OPCML: variants seen among roughly 807,000 people sequenced by gnomAD.
OPCML encodes the protein opioid-binding protein/cell adhesion molecule.
OPCML carries 13 observed loss-of-function variants against 37.8 expected under a neutral mutation model. That is an observed-to-expected ratio of 0.34 (90% CI 0.22 to 0.55). The LOEUF is 0.55. Among genes scored for constraint, OPCML ranks in the 20% least tolerant of loss-of-function variants. The probability of loss-of-function intolerance (pLI) is 0.91; values close to 1 mark genes in which losing one functional copy is unlikely to be tolerated. For synonymous variants in OPCML, 176 were observed against 168.8 expected (o/e 1.04, Z -0.33); for missense variants, 341 against 435.6 (o/e 0.78, Z 1.93).
intron 2 of OPCML, among the ~76,000 whole-genome samples, chr11:132,694,205 TTTTTTTTTTTTTA>T: frequency 7.5e-6 from 1 of 132,610 alleles, no homozygotes; most frequent in Non-Finnish European, 1.6e-5. Context: ...TTTTTTTTTT[TTTTTTTTTTTTTA>T]AGACGGAATC....
intron 1 of OPCML, among the ~76,000 whole-genome samples, chr11:133,183,499 G>GA (rs917401467): frequency 3.9e-5 from 6 of 152,150 alleles, no homozygotes; most frequent in Non-Finnish European, 1.5e-5. Flanking sequence ...CTCATGACTG[G>GA]AAAATATTTT....
At chr11:133,014,378 T>A (rs1947278974) in intron 1 of OPCML, among the ~76,000 whole-genome samples, 2 of 152,094 alleles carry the variant, frequency 1.3e-5, no homozygotes, top group Admixed American at 1.3e-4. Flanking sequence ...TAAGAACCTA[T>A]GGGGATTGAA....
At chr11:133,220,413 A>G (rs1197553798) in intron 1 of OPCML, among the ~76,000 whole-genome samples, 4 of 152,154 alleles carry the variant, frequency 2.6e-5, no homozygotes, top group Non-Finnish European at 5.9e-5. Flanking sequence ...CTGCTATTCC[A>G]CATGAAGGCC....
intron 1 of OPCML, among the ~76,000 whole-genome samples, chr11:133,303,171 G>A (rs148246247): frequency 1.5e-3 from 234 of 152,238 alleles, no homozygotes; most frequent in African/African-American, 4.1e-3. Context: ...ATACACTGAC[G>A]TATGTTTTTA....
intron 2 of OPCML, among the ~76,000 whole-genome samples, chr11:132,808,554 A>T (rs1311717714): frequency 6.6e-6 from 1 of 152,170 alleles, no homozygotes; most frequent in Admixed American, 6.5e-5. Context: ...TTCCCAAAGA[A>T]ATTTGATGAT....
chr11:133,351,150 G>T (rs979420057), intron 1 of OPCML, among the ~76,000 whole-genome samples: 1 of 152,210 alleles, frequency 6.6e-6, no homozygotes, highest in Non-Finnish European at 1.5e-5. Context: ...GGTTATTTTA[G>T]GAACAGCAAA....
intron 1 of OPCML, among the ~76,000 whole-genome samples, chr11:132,988,299 A>T (rs539983257): frequency 1.3e-5 from 2 of 152,320 alleles, no homozygotes; most frequent in South Asian, 4.1e-4. Context: ...ACTTGCATAA[A>T]GTGCTAATTT....
intron 3 of OPCML, among the ~76,000 whole-genome samples, chr11:132,558,288 TTCC>T (rs200484298): frequency 0.011 from 1,279 of 121,530 alleles, 48 homozygotes; most frequent in African/African-American, 0.043. Flanking sequence ...CTTCTTCCTC[TTCC>T]TCTTCTCCCC....
At chr11:133,123,382 G>A (rs1008949385) in intron 1 of OPCML, among the ~76,000 whole-genome samples, 5 of 152,174 alleles carry the variant, frequency 3.3e-5, no homozygotes, top group Non-Finnish European at 7.4e-5. Flanking sequence ...AAGTCTGTTT[G>A]TGTTTTATTT....
chr11:133,129,056 T>C (rs1371842769), intron 1 of OPCML, among the ~76,000 whole-genome samples: 2 of 152,154 alleles, frequency 1.3e-5, no homozygotes, highest in Admixed American at 1.3e-4. Context: ...GACAACTCAT[T>C]GCCTTAAGAG....
At chr11:132,927,857 T>C (rs1199408398) in intron 2 of OPCML, among the ~76,000 whole-genome samples, 1 of 152,056 alleles carries the variant, frequency 6.6e-6, no homozygotes, top group Admixed American at 6.6e-5. Context: ...AGAGTTTTTG[T>C]ATGTAATTTA....
rs116745262 is a variant in OPCML at position 133,142,812 on chromosome 11, C to T, written c.62-199802G>A. Among the ~76,000 whole-genome samples the T allele has an allele frequency of 6.7e-3, 1,022 of 152,142 alleles. 11 individuals carry two copies. The highest frequency in any genetic ancestry group is 0.023 in the African/African-American group (943 of 41,538). The stretch of plus-strand genomic sequence containing the variant: ...TGATGACTTCAGGCCAAAGTCCAAA[C>T]GCTTTTTCCCCAAGTGCAAGGACTA... On this transcript the variant is annotated intron_variant, in intron 1 of 7. Transcript: ENST00000524381.
chr11:133,403,545 C>T (rs1945456837), intron 1 of OPCML, among the ~76,000 whole-genome samples: 1 of 152,134 alleles, frequency 6.6e-6, no homozygotes, highest in Non-Finnish European at 1.5e-5. Flanking sequence ...AGGGAGTAGG[C>T]TAAATTGGAC....
intron 1 of OPCML, among the ~76,000 whole-genome samples, chr11:133,289,495 T>C (rs1264736311): frequency 7.0e-6 from 1 of 143,404 alleles, no homozygotes; most frequent in Non-Finnish European, 1.5e-5. Context: ...CTCGGGAGGC[T>C]GAGGCAGGAG....
chr11:133,234,794 T>C (rs566729174), intron 1 of OPCML, among the ~76,000 whole-genome samples: 2 of 152,326 alleles, frequency 1.3e-5, no homozygotes, highest in East Asian at 3.9e-4. Context: ...CATTTTGAAA[T>C]ATCTGATTTG....
At chr11:132,758,453 G>A (rs537105171) in intron 2 of OPCML, among the ~76,000 whole-genome samples, 8 of 151,654 alleles carry the variant, frequency 5.3e-5, no homozygotes, top group Non-Finnish European at 7.4e-5. Flanking sequence ...ATGATTTTCC[G>A]TTTGTGTCCT....
intron 1 of OPCML, among the ~76,000 whole-genome samples, chr11:133,199,653 T>C (rs1461846454): frequency 6.6e-6 from 1 of 152,188 alleles, no homozygotes; most frequent in Non-Finnish European, 1.5e-5. Flanking sequence ...ATGTGGAATA[T>C]CCATGCTGCT....
intron 1 of OPCML, among the ~76,000 whole-genome samples, chr11:133,413,537 A>G (rs986760209): frequency 6.6e-6 from 1 of 152,116 alleles, no homozygotes; most frequent in African/African-American, 2.4e-5. Context: ...GAAATAGAAC[A>G]GGATTTAAGT....
intron 1 of OPCML, among the ~76,000 whole-genome samples, chr11:133,454,478 A>G (rs1321432807): frequency 6.6e-6 from 1 of 152,198 alleles, no homozygotes; most frequent in Non-Finnish European, 1.5e-5. Context: ...AAATAGGATC[A>G]ATATTTATTG....
Sources: gnomAD v4.1 joint callset for allele counts (sites outside exome capture counted in the v4.1 genomes callset) on GRCh38, gnomAD v4.1.1 for gene constraint, MANE v1.5 for transcripts, NCBI Gene and HGNC (gene_info 2026-07-23, HGNC 2026-07-21) for gene names.